DCLK1: variants seen among roughly 807,000 people sequenced by gnomAD.
The protein encoded by DCLK1 is serine/threonine-protein kinase DCLK1.
A neutral mutation model predicts 86.2 loss-of-function variants in DCLK1; 16 were observed. That is an observed-to-expected ratio of 0.19 (90% CI 0.13 to 0.28). DCLK1 has a LOEUF of 0.28. Ranked by LOEUF, DCLK1 falls within the 10% of genes least tolerant of loss-of-function variation. The pLI, the probability that DCLK1 is intolerant of heterozygous loss-of-function variation, is 1.00. For missense variants in DCLK1, 590 were observed against 940.2 expected, an observed-to-expected ratio of 0.63 and a Z score of 4.87; for synonymous variants, 369 against 370.5, an observed-to-expected ratio of 1.00 and a Z score of 0.05.
intron 3 of DCLK1, among the ~76,000 whole-genome samples, chr13:36,006,271 A>G (rs1469381421): frequency 5.3e-5 from 8 of 152,248 alleles, no homozygotes; most frequent in Admixed American, 5.2e-4. Flanking sequence ...CACCTTTTCC[A>G]GGCAGCCGTA....
intron 11 of DCLK1, among the ~76,000 whole-genome samples, chr13:35,819,024 G>T (rs1430292912): frequency 6.6e-6 from 1 of 152,038 alleles, no homozygotes; most frequent in East Asian, 1.9e-4. Flanking sequence ...TTGCCAGGCG[G>T]CTCTGTCCTC....
intron 16 of DCLK1, among the ~76,000 whole-genome samples, chr13:35,788,963 T>C (rs186142946): frequency 9.6e-4 from 147 of 152,342 alleles, no homozygotes; most frequent in Non-Finnish European, 1.6e-3. Flanking sequence ...AAAAATAGTT[T>C]TCTTTGTATA....
chr13:36,021,985 A>T (rs1443281324), intron 3 of DCLK1, among the ~76,000 whole-genome samples: 2 of 152,108 alleles, frequency 1.3e-5, no homozygotes, highest in African/African-American at 4.8e-5. Context: ...TCTCCAGGAT[A>T]AACCATGTAT....
In DCLK1 at chr13:35,803,497, C is replaced by T. The variant is rs530180828; in HGVS notation, c.1944+2202G>A. 5.9e-5 allele frequency among the ~76,000 whole-genome samples: 9 copies of T among 152,308 alleles called. No individual in the cohort carries two copies. In the South Asian group the frequency reaches 1.9e-3, roughly 32 times the overall value. On this transcript the variant is annotated intron_variant, in intron 15 of 16. Coordinates refer to ENST00000360631, the MANE Select transcript of DCLK1 (RefSeq NM_001330071.2). The stretch of plus-strand genomic sequence containing the variant: ...AAACAAACCTCAGTGCATAGCTCTA[C>T]ATGCTCATTTTCAAGTCTATTCTCC...
intron 5 of DCLK1, among the ~76,000 whole-genome samples, chr13:35,858,976 G>A (rs539985176): frequency 6.6e-6 from 1 of 152,202 alleles, no homozygotes; most frequent in Non-Finnish European, 1.5e-5. Context: ...TTGAATCACT[G>A]CTGGGATAAA....
chr13:36,106,371 AC>A (rs1304137745), intron 3 of DCLK1, among the ~76,000 whole-genome samples: 1 of 152,110 alleles, frequency 6.6e-6, no homozygotes. Flanking sequence ...CGATTCTTAA[AC>A]TTCTTTTTCT....
intron 4 of DCLK1, among the ~76,000 whole-genome samples, chr13:35,896,688 C>G (rs1026847266): frequency 6.6e-6 from 1 of 151,812 alleles, no homozygotes; most frequent in Non-Finnish European, 1.5e-5. Context: ...ATCATTCCCT[C>G]GTGTCTCTTC....
rs553026086 is a variant in DCLK1, at chr13:35,913,084, A to C, written c.823+34274T>G. On this transcript the variant is annotated intron_variant, in intron 4 of 16. Transcript: ENST00000360631. ...GGGGTGAGAAAATTCCTGCATCACA[A>C]GGAGCTTCAAAGATATGTGACTTAT... Among the ~76,000 whole-genome samples, 8 of 152,324 alleles carry C rather than the reference A, an allele frequency of 5.3e-5. No individual in the cohort carries two copies. In the East Asian group the frequency reaches 1.4e-3, roughly 26 times the overall value.
chr13:35,871,930 T>A (rs1247578445), intron 4 of DCLK1, among the ~76,000 whole-genome samples: 3 of 152,226 alleles, frequency 2.0e-5, no homozygotes. Context: ...TGCCACCACA[T>A]GAAGCTGCCA....
chr13:35,879,001 G>C (rs1872737708), intron 4 of DCLK1, among the ~76,000 whole-genome samples: 1 of 152,066 alleles, frequency 6.6e-6, no homozygotes, highest in African/African-American at 2.4e-5. Flanking sequence ...GGCCAGGCTG[G>C]GCTCGAACTC....
intron 10 of DCLK1, among the ~76,000 whole-genome samples, chr13:35,823,970 A>C (rs574591084): frequency 3.3e-5 from 5 of 152,022 alleles, no homozygotes; most frequent in African/African-American, 1.2e-4. Flanking sequence ...CAAAGCAAAT[A>C]GTTTTTTCAA....
intron 6 of DCLK1, chr13:35,847,322 T>C (rs1266050117): frequency 3.0e-6 from 3 of 985,102 alleles, no homozygotes; most frequent in Non-Finnish European, 3.6e-6. Flanking sequence ...CTTTATTACA[T>C]GAAGATTTTA....
At chr13:35,900,790 G>C (rs2153122163) in intron 4 of DCLK1, among the ~76,000 whole-genome samples, 1 of 152,224 alleles carries the variant, frequency 6.6e-6, no homozygotes, top group South Asian at 2.1e-4. Flanking sequence ...ACTGCCAAAT[G>C]TACCTTGGGG....
intron 3 of DCLK1, among the ~76,000 whole-genome samples, chr13:36,073,808 G>A (rs1380099078): frequency 2.0e-5 from 3 of 152,092 alleles, no homozygotes; most frequent in Non-Finnish European, 4.4e-5. Flanking sequence ...TGACCTCCTC[G>A]TGCAGCATAC....
chr13:36,086,901 T>C (rs2138126106), intron 3 of DCLK1, among the ~76,000 whole-genome samples: 1 of 152,352 alleles, frequency 6.6e-6, no homozygotes, highest in South Asian at 2.1e-4. Context: ...TCCAAGTCTT[T>C]GCTATTGCGA....
At chr13:36,120,711 A>T (rs1885956420) in intron 2 of DCLK1, among the ~76,000 whole-genome samples, 2 of 152,208 alleles carry the variant, frequency 1.3e-5, no homozygotes, top group South Asian at 2.1e-4. Flanking sequence ...ATCATAAATG[A>T]TGGAGAGGCA....
At chr13:35,865,113 G>C (rs1328553265) in intron 5 of DCLK1, among the ~76,000 whole-genome samples, 1 of 152,012 alleles carries the variant, frequency 6.6e-6, no homozygotes, top group African/African-American at 2.4e-5. Flanking sequence ...TAAAACCAAA[G>C]TGATGCATAT....
chr13:35,868,625 A>T (rs1444626331), intron 5 of DCLK1, among the ~76,000 whole-genome samples: 4 of 152,170 alleles, frequency 2.6e-5, no homozygotes, highest in Admixed American at 6.5e-5. Context: ...TCATTAATAT[A>T]CTAATTGATA....
chr13:36,046,666 C>A (rs1473972339), intron 3 of DCLK1, among the ~76,000 whole-genome samples: 2 of 152,198 alleles, frequency 1.3e-5, no homozygotes, highest in South Asian at 4.1e-4. Context: ...TGTGTTATGA[C>A]CCCATTCCTG....
Sources: allele counts gnomAD v4.1 joint callset (sites outside exome capture counted in the v4.1 genomes callset), GRCh38; gene constraint gnomAD v4.1.1; transcripts MANE v1.5; gene names NCBI Gene and HGNC (gene_info 2026-07-23, HGNC 2026-07-21).